The following ENAH variants were observed in gnomAD, a reference collection of about 807,000 sequenced individuals.
ENAH encodes the protein protein enabled homolog.
A neutral mutation model predicts 78.7 loss-of-function variants in ENAH; 23 were observed. That is an observed-to-expected ratio of 0.29 (90% CI 0.21 to 0.41). The LOEUF (loss-of-function observed/expected upper bound fraction) is 0.41. Among genes scored for constraint, ENAH ranks in the 10% least tolerant of loss-of-function variants. The pLI is 1.00. For synonymous variants in ENAH, 226 were observed against 241.0 expected, an observed-to-expected ratio of 0.94 and a Z score of 0.58; for missense variants, 544 against 691.0, an observed-to-expected ratio of 0.79 and a Z score of 2.39.
intron 3 of ENAH, among the ~76,000 whole-genome samples, chr1:225,542,996 G>A (rs1304797041): frequency 6.6e-6 from 1 of 151,004 alleles, no homozygotes; most frequent in Admixed American, 6.6e-5. Context: ...TCCAGATTGG[G>A]CAACAGAGCA....
rs2096226069 is a variant in ENAH at position 225,492,336 on chromosome 1, C to T, written c.*5439G>A. On this transcript the variant is annotated 3_prime_UTR_variant, in exon 14 of 14. Transcript: ENST00000366843. ...TTCTGGCCTCAAGCAATCCTCCCGC[C>T]TCTGACCAGTTTACCGAGCTATTTA... is the stretch of plus-strand genomic sequence containing the variant. 3 of 152,134 alleles carry T rather than the reference C, an allele frequency of 2.0e-5. No individual in the cohort carries two copies. 9.4% of individuals were successfully genotyped at this position (152,134 alleles called of 1,614,324 possible).
intron 1 of ENAH, among the ~76,000 whole-genome samples, chr1:225,605,790 A>G (rs746503093): frequency 7.9e-5 from 12 of 152,200 alleles, no homozygotes; most frequent in Admixed American, 7.2e-4. Context: ...TAAGAAGATT[A>G]GGACAGACAC....
intron 5 of ENAH, 94 bp downstream of exon 5, chr1:225,519,104 C>T (rs1176227467): frequency 6.6e-7 from 1 of 1,512,474 alleles, no homozygotes; most frequent in African/African-American, 1.4e-5. Context: ...TAATCCCAAA[C>T]ATCTCAAATG....
rs1491435336 is a variant in ENAH, at chr1:225,593,401, G to GTGTGTGTGTGTGTGT, written c.6-25988_6-25987insACACACACACACACA. 6.3e-5 allele frequency among the ~76,000 whole-genome samples: 2 copies of GTGTGTGTGTGTGTGT among 31,596 alleles called. 1 individual carries two copies. Among genetic ancestry groups the GTGTGTGTGTGTGTGT allele is most frequent in the African/African-American group, 4.3e-4 (2 of 4,598 alleles). 20.7% of individuals were successfully genotyped at this position (31,596 alleles called of 152,430 possible). A position where few individuals can be genotyped will look rare whatever the true frequency, so the allele number is the denominator to read the frequency against. On this transcript the variant is annotated intron_variant, in intron 1 of 13. Transcript: ENST00000366843. Reference sequence around the variant, plus strand: ...CTGCAGCCTGCCCCTGTGTGTGTGTGGGGGGGGGGGGGGGGGTGGGGGGTG... The same window carrying GTGTGTGTGTGTGTGT: ...CTGCAGCCTGCCCCTGTGTGTGTGTGTGTGTGTGTGTGTGTGGGGGGGGGGGGGGGGTGGGGGGTG...
intron 3 of ENAH, among the ~76,000 whole-genome samples, chr1:225,541,422 G>A (rs373550007): frequency 6.6e-6 from 1 of 151,894 alleles, no homozygotes; most frequent in South Asian, 2.1e-4. Context: ...GCGACAGAGT[G>A]AGACTCAGTC....
intron 4 of ENAH, among the ~76,000 whole-genome samples, chr1:225,525,444 A>C (rs1017959568): frequency 1.3e-5 from 2 of 152,168 alleles, no homozygotes; most frequent in Non-Finnish European, 2.9e-5. Context: ...TCTCCATTAG[A>C]ACTGTAATCC....
At position 225,552,386 on chromosome 1, in the gene ENAH, C is replaced by T. The variant is rs544676363; in HGVS notation, c.349+2520G>A. On this transcript the variant is annotated intron_variant, in intron 3 of 13. Coordinates refer to ENST00000366843, the MANE Select transcript of ENAH (RefSeq NM_018212.6). Reference sequence around the variant, plus strand: ...ATCTCCTGACCTCGTGATCCACCCGCCTCAGCCTCCCAAAGTGCTGGGATT... The same window carrying T: ...ATCTCCTGACCTCGTGATCCACCCGTCTCAGCCTCCCAAAGTGCTGGGATT... Among the ~76,000 whole-genome samples the T allele has an allele frequency of 1.2e-4, 19 of 152,232 alleles. No individual in the cohort carries two copies. In the East Asian group the frequency reaches 3.7e-3, roughly 29 times the overall value.
intron 1 of ENAH, among the ~76,000 whole-genome samples, chr1:225,620,570 A>C (rs1017896951): frequency 2.6e-5 from 4 of 152,086 alleles, no homozygotes; most frequent in African/African-American, 9.6e-5. Context: ...CTACTTTTCC[A>C]TGCAACTTGG....
chr1:225,519,360 CCTGCCGCTCCAGGCGT>C lies in ENAH; in HGVS notation c.624_639del (p.Arg209AsnfsTer38), dbSNP rs1558744111. ...AGGCGTTCCTGCCGCTCCAGGCGTT[CCTGCCGCTCCAGGCGT>C]TCCTGCCGCTCCAGGCGTTCCTGCC... On this transcript the variant is annotated frameshift_variant, in exon 5 of 14. Coordinates refer to ENST00000366843, the MANE Select transcript of ENAH (RefSeq NM_018212.6). LOFTEE classifies it high-confidence loss of function. 2.7e-5 allele frequency: 43 copies of C among 1,610,026 alleles called. No homozygotes were observed. The highest frequency in any genetic ancestry group is 3.5e-5 in the Non-Finnish European group (41 of 1,178,066).
intron 3 of ENAH, chr1:225,535,672 A>G (rs1353366412): frequency 4.4e-6 from 2 of 458,852 alleles, no homozygotes; most frequent in Non-Finnish European, 8.1e-6. Flanking sequence ...ATTTATACAT[A>G]CGTCCTATCT....
Position 225,525,610 on chromosome 1 carries a change from C to T in ENAH, c.434+4944G>A, listed in dbSNP as rs889703074. ...AGGTTTTGCTTTGACCTTAGTCGTG[C>T]GGGAATTACCTATCTCTTTCCTAAG... On this transcript the variant is annotated intron_variant, in intron 4 of 13. Coordinates refer to ENST00000366843, the MANE Select transcript of ENAH (RefSeq NM_018212.6). 3.9e-5 allele frequency among the ~76,000 whole-genome samples: 6 copies of T among 152,184 alleles called. No homozygotes were observed. The South Asian group carries it at 6.2e-4, about 16-fold the overall frequency.
intron 1 of ENAH, among the ~76,000 whole-genome samples, chr1:225,579,821 A>T (rs1470869013): frequency 6.6e-6 from 1 of 152,254 alleles, no homozygotes; most frequent in African/African-American, 2.4e-5. Flanking sequence ...AAATATTTTC[A>T]TCCAAGTCAG....
chr1:225,517,054 T>C, intron 6 of ENAH, 142 bp downstream of exon 6: 1 of 483,566 alleles, frequency 2.1e-6, no homozygotes, highest in Non-Finnish European at 3.2e-6. Flanking sequence ...TTTTTTTAAT[T>C]AAAAAAAAAA....
At chr1:225,585,017 C>A (rs1216997159) in intron 1 of ENAH, among the ~76,000 whole-genome samples, 2 of 151,836 alleles carry the variant, frequency 1.3e-5, no homozygotes, top group Admixed American at 6.6e-5. Flanking sequence ...GAGTTCAAGA[C>A]CATCCTGGCC....
chr1:225,619,952 A>G (rs568660429), intron 1 of ENAH, among the ~76,000 whole-genome samples: 2 of 152,222 alleles, frequency 1.3e-5, no homozygotes, highest in African/African-American at 2.4e-5. Flanking sequence ...GAAACTGCCA[A>G]CATCTGGTGA....
At chr1:225,601,446 A>G (rs1378065119) in intron 1 of ENAH, among the ~76,000 whole-genome samples, 2 of 151,342 alleles carry the variant, frequency 1.3e-5, no homozygotes, top group Non-Finnish European at 2.9e-5. Context: ...TGAACCTGGG[A>G]GGCGGGGCTT....
intron 3 of ENAH, among the ~76,000 whole-genome samples, chr1:225,540,944 A>G (rs1263544339): frequency 1.3e-5 from 2 of 152,208 alleles, no homozygotes; most frequent in Admixed American, 6.5e-5. Flanking sequence ...CCCTGAAAAC[A>G]GTACACTAAT....
intron 2 of ENAH, among the ~76,000 whole-genome samples, chr1:225,562,871 A>G (rs1418349184): frequency 6.6e-6 from 1 of 151,334 alleles, no homozygotes; most frequent in East Asian, 2.0e-4. Flanking sequence ...TACTCAGGAG[A>G]CTGAGGCAGA....
chr1:225,608,220 G>GAAA (rs60998592), intron 1 of ENAH, among the ~76,000 whole-genome samples: 12 of 91,286 alleles, frequency 1.3e-4, no homozygotes, highest in African/African-American at 2.6e-4. Flanking sequence ...ATAAAAAACA[G>GAAA]AAAAAAAAAA....
Sources: allele counts gnomAD v4.1 joint callset (sites outside exome capture counted in the v4.1 genomes callset), GRCh38; gene constraint gnomAD v4.1.1; transcripts MANE v1.5; gene names NCBI Gene and HGNC (gene_info 2026-07-23, HGNC 2026-07-21).